The following ANKRD44 variants were observed in gnomAD, a reference collection of about 807,000 sequenced individuals.
ANKRD44 encodes the protein ankyrin repeat domain 44.
Under a neutral mutation model 116.0 loss-of-function variants are expected in ANKRD44, and 35 were observed. That is an observed-to-expected ratio of 0.30 (90% CI 0.23 to 0.40). The LOEUF (loss-of-function observed/expected upper bound fraction) is 0.40. Ranked by LOEUF, ANKRD44 falls within the 10% of genes least tolerant of loss-of-function variation. ANKRD44 has a pLI of 1.00. For missense variants in ANKRD44, 1,014 were observed against 1,242.6 expected (o/e 0.82, Z 2.77); for synonymous variants, 435 against 461.8 (o/e 0.94, Z 0.74).
At chr2:197,198,966 C>T (rs539422215) in intron 1 of ANKRD44, 3 of 152,388 alleles carry the variant, frequency 2.0e-5, no homozygotes, top group South Asian at 4.1e-4. Flanking sequence ...GGAGGAGCAC[C>T]GGAAGTTCTG....
Position 197,086,738 on chromosome 2 carries a change from A to G in ANKRD44, c.1258T>C (p.Cys420Arg). ...CCGCTGCTCTGCAAGAGTTTTATAC[A>G]TTCCACATTACTAGAAAGACAGGGA... ...HAAAAGGNVE[C>R]IKLLQSSGAD... is the part of the protein sequence containing the mutation. Residue 420 changes from cysteine (C) to arginine (R), a missense_variant, in exon 13 of 28, where the codon TGT becomes CGT. Transcript: ENST00000282272. 6.2e-7 allele frequency: 1 copy of G among 1,613,804 alleles called. No individual in the cohort carries two copies. Among genetic ancestry groups the G allele is most frequent in the Non-Finnish European group, 8.5e-7 (1 of 1,179,824 alleles).
downstream of ANKRD44, among the ~76,000 whole-genome samples, chr2:196,982,108 T>TTA (rs58816698): frequency 0.059 from 5,682 of 96,520 alleles, 605 homozygotes; most frequent in African/African-American, 0.19. Context: ...CTAAAAAAAA[T>TTA]TATATATATA....
At chr2:197,104,318 G>A (rs1380399886) in intron 9 of ANKRD44, among the ~76,000 whole-genome samples, 1 of 152,040 alleles carries the variant, frequency 6.6e-6, no homozygotes, top group Non-Finnish European at 1.5e-5. Context: ...ATGTGGTTTT[G>A]CCATGTTGGC....
chr2:197,164,029 G>A (rs1315108227), intron 2 of ANKRD44, among the ~76,000 whole-genome samples: 1 of 152,194 alleles, frequency 6.6e-6, no homozygotes, highest in Non-Finnish European at 1.5e-5. Context: ...GCCGGGTCAC[G>A]TGGAGTCCTT....
chr2:197,065,872 T>C (rs966963841), intron 16 of ANKRD44, among the ~76,000 whole-genome samples: 1 of 152,204 alleles, frequency 6.6e-6, no homozygotes, highest in Non-Finnish European at 1.5e-5. Context: ...AAGGAGGAGC[T>C]GGTACCATTC....
intron 13 of ANKRD44, among the ~76,000 whole-genome samples, chr2:197,085,210 G>A (rs1395942636): frequency 6.6e-6 from 1 of 152,060 alleles, no homozygotes; most frequent in Non-Finnish European, 1.5e-5. Context: ...TGGTTCAAAA[G>A]AAATTTTAAA....
chr2:197,022,485 G>GC (rs937237289), intron 17 of ANKRD44, among the ~76,000 whole-genome samples: 1 of 152,010 alleles, frequency 6.6e-6, no homozygotes, highest in Non-Finnish European at 1.5e-5. Context: ...ATCTGTGGTG[G>GC]CCCCCCAAAC....
At chr2:196,974,948 T>C (rs2125860883) in intron 21 of ANKRD44, among the ~76,000 whole-genome samples, 1 of 147,414 alleles carries the variant, frequency 6.8e-6, no homozygotes, top group African/African-American at 2.5e-5. Context: ...GCAGAAGAAA[T>C]AAAATAATAA....
Position 197,042,010 on chromosome 2 carries a change from G to GA in ANKRD44, c.1651-16744dup, listed in dbSNP as rs201512307. On this transcript the variant is annotated intron_variant, in intron 16 of 27. Coordinates refer to ENST00000282272, the MANE Select transcript of ANKRD44 (RefSeq NM_001195144.2). ...ACAGCTATTTAATGGGTACATTAAT[G>GA]AAAAAAAAACATAAGAAAAATATGT... 6.3e-4 allele frequency among the ~76,000 whole-genome samples: 93 copies of GA among 148,326 alleles called. 1 individual carries two copies. Among genetic ancestry groups the GA allele is most frequent in the Middle Eastern group, 6.9e-3 (2 of 288 alleles).
chr2:196,988,615 C>T lies in ANKRD44; in HGVS notation c.*976G>A. 1.0e-6 allele frequency: 1 copy of T among 984,704 alleles called. No individual in the cohort carries two copies. The highest frequency in any genetic ancestry group is 1.2e-6 in the Non-Finnish European group (1 of 829,360). 61.0% of individuals were successfully genotyped at this position (984,704 alleles called of 1,614,324 possible). The stretch of plus-strand genomic sequence containing the variant: ...ATAATACAGTTATCTGTCTTTGATC[C>T]AGATATGATAGAACATTATTTTTGA... On this transcript the variant is annotated 3_prime_UTR_variant, in exon 28 of 28. Coordinates refer to ENST00000282272, the MANE Select transcript of ANKRD44 (RefSeq NM_001195144.2).
At chr2:197,113,597 G>C (rs1314225638) in intron 8 of ANKRD44, among the ~76,000 whole-genome samples, 1 of 152,240 alleles carries the variant, frequency 6.6e-6, no homozygotes, top group East Asian at 1.9e-4. Flanking sequence ...CACCAACTTG[G>C]TGGTAGCTAT....
At chr2:197,076,535 T>C (rs544518119) in intron 16 of ANKRD44, among the ~76,000 whole-genome samples, 14 of 152,304 alleles carry the variant, frequency 9.2e-5, no homozygotes, top group African/African-American at 3.1e-4. Context: ...CAGGGGTACA[T>C]GTGCAGGTTT....
intron 2 of ANKRD44, among the ~76,000 whole-genome samples, chr2:197,164,309 T>A (rs1268735063): frequency 6.6e-6 from 1 of 152,126 alleles, no homozygotes; most frequent in Non-Finnish European, 1.5e-5. Flanking sequence ...TCTTGACCCC[T>A]CTCTGGCAGC....
intron 8 of ANKRD44, among the ~76,000 whole-genome samples, chr2:197,113,698 A>G (rs929036729): frequency 6.6e-6 from 1 of 152,208 alleles, no homozygotes; most frequent in African/African-American, 2.4e-5. Context: ...CAAACACCAC[A>G]ACCTTCTTTT....
intron 16 of ANKRD44, among the ~76,000 whole-genome samples, chr2:197,051,120 G>A (rs773203354): frequency 5.9e-5 from 9 of 151,322 alleles, no homozygotes; most frequent in Non-Finnish European, 1.0e-4. Flanking sequence ...ACACCACCAT[G>A]TCCAGCTAAT....
intron 21 of ANKRD44, among the ~76,000 whole-genome samples, chr2:196,973,510 T>A (rs955359467): frequency 2.0e-5 from 3 of 152,202 alleles, no homozygotes; most frequent in African/African-American, 7.2e-5. Context: ...AGGATGCACA[T>A]GAACCGGAGA....
intron 20 of ANKRD44, 64 bp from the exon 21 acceptor site, chr2:197,005,974 C>T: frequency 6.7e-7 from 1 of 1,503,478 alleles, no homozygotes; most frequent in Non-Finnish European, 9.2e-7. Context: ...AAGCAGTTGG[C>T]TAAGTGAGGC....
At chr2:197,117,085 A>C (rs184254971) in intron 8 of ANKRD44, among the ~76,000 whole-genome samples, 15 of 152,250 alleles carry the variant, frequency 9.9e-5, no homozygotes, top group Middle Eastern at 3.4e-3. Context: ...GAGACACACA[A>C]AGAGCTTGTT....
At chr2:197,094,500 A>C (rs1424556811) in intron 10 of ANKRD44, among the ~76,000 whole-genome samples, 3 of 152,232 alleles carry the variant, frequency 2.0e-5, no homozygotes, top group Admixed American at 6.5e-5. Context: ...TTGAAGTTGT[A>C]ATCAGGTTGT....
Sources: gnomAD v4.1 joint callset for allele counts (sites outside exome capture counted in the v4.1 genomes callset) on GRCh38, gnomAD v4.1.1 for gene constraint, MANE v1.5 for transcripts, NCBI Gene and HGNC (gene_info 2026-07-23, HGNC 2026-07-21) for gene names.